KLHL1: variants seen among roughly 807,000 people sequenced by gnomAD.
The protein encoded by KLHL1 is kelch like family member 1.
In KLHL1, 47 loss-of-function variants were observed where a neutral mutation model predicts 77.7. The ratio of observed to expected loss-of-function variants is 0.60; its 90% CI spans 0.48 to 0.77. KLHL1 has a LOEUF of 0.77. Ranked by LOEUF, KLHL1 falls within the 30% of genes least tolerant of loss-of-function variation. KLHL1 has a pLI of 0.00. For missense variants in KLHL1, 925 were observed against 910.8 expected, an observed-to-expected ratio of 1.02 and a Z score of -0.20; for synonymous variants, 360 against 325.2, an observed-to-expected ratio of 1.11 and a Z score of -1.15.
intron 8 of KLHL1, among the ~76,000 whole-genome samples, chr13:69,729,574 G>T (rs1157881622): frequency 2.6e-5 from 4 of 152,100 alleles, no homozygotes; most frequent in Non-Finnish European, 5.9e-5. Context: ...GTAAGAGGGT[G>T]ATGTTAAAAC....
At chr13:70,035,010 G>A (rs1478961716) in intron 1 of KLHL1, among the ~76,000 whole-genome samples, 1 of 151,748 alleles carries the variant, frequency 6.6e-6, no homozygotes. Flanking sequence ...TAATATTTGT[G>A]GTACTTATAG....
At chr13:69,820,946 A>G (rs549961127) in intron 6 of KLHL1, among the ~76,000 whole-genome samples, 6 of 152,248 alleles carry the variant, frequency 3.9e-5, no homozygotes, top group Non-Finnish European at 8.8e-5. Flanking sequence ...AAAGGGCAAT[A>G]GTAAAAGTCG....
intron 4 of KLHL1, among the ~76,000 whole-genome samples, chr13:69,883,407 A>T (rs1418370786): frequency 6.6e-6 from 1 of 152,158 alleles, no homozygotes. Context: ...AATTTCTGTC[A>T]CATTTCAAGA....
In KLHL1 at chr13:69,961,563, A is replaced by T. The variant is rs577421566; in HGVS notation, c.681-119T>A. ...ATTGATCAATCAATTAATGCATTTT[A>T]TTTATTGCCTCATGAGTTGTACTTT... On this transcript the variant is annotated intron_variant, in intron 2 of 10. Transcript: ENST00000377844. 3.3e-4 allele frequency: 345 copies of T among 1,054,678 alleles called. 3 individuals carry two copies. In the African/African-American group the frequency reaches 4.8e-3, roughly 15 times the overall value. 65.3% of individuals were successfully genotyped at this position (1,054,678 alleles called of 1,614,324 possible). A position where few individuals can be genotyped will look rare whatever the true frequency, so the allele number is the denominator to read the frequency against.
At chr13:70,016,499 G>A (rs1223782023) in intron 1 of KLHL1, among the ~76,000 whole-genome samples, 1 of 152,234 alleles carries the variant, frequency 6.6e-6, no homozygotes, top group East Asian at 1.9e-4. Context: ...TGATTTTGGA[G>A]CAAAGTTGTG....
At chr13:70,027,119 GAGAAT>G (rs1433274399) in intron 1 of KLHL1, among the ~76,000 whole-genome samples, 3 of 152,030 alleles carry the variant, frequency 2.0e-5, no homozygotes, top group Non-Finnish European at 2.9e-5. Flanking sequence ...AATGGAGAAT[GAGAAT>G]AGAATGATTT....
At chr13:69,919,470 C>G (rs1174791071) in intron 4 of KLHL1, among the ~76,000 whole-genome samples, 1 of 152,068 alleles carries the variant, frequency 6.6e-6, no homozygotes, top group East Asian at 1.9e-4. Flanking sequence ...ATGTATGTTT[C>G]TTTTTGTTCA....
At chr13:70,062,381 G>A (rs1430353868) in intron 1 of KLHL1, among the ~76,000 whole-genome samples, 2 of 152,104 alleles carry the variant, frequency 1.3e-5, no homozygotes, top group African/African-American at 2.4e-5. Flanking sequence ...TGAATTGCAT[G>A]CAACCTATTA....
At chr13:70,072,072 A>G (rs1428727794) in intron 1 of KLHL1, among the ~76,000 whole-genome samples, 1 of 152,076 alleles carries the variant, frequency 6.6e-6, no homozygotes, top group Non-Finnish European at 1.5e-5. Flanking sequence ...ACCAAGATGA[A>G]ACAGAGAACG....
chr13:69,764,308 C>T (rs953209010), intron 7 of KLHL1, among the ~76,000 whole-genome samples: 10 of 152,200 alleles, frequency 6.6e-5, no homozygotes, highest in Admixed American at 5.2e-4. Context: ...CATCACTTTC[C>T]TTTTTCTGTA....
chr13:69,854,667 G>T (rs1879818097), intron 5 of KLHL1, among the ~76,000 whole-genome samples: 1 of 151,998 alleles, frequency 6.6e-6, no homozygotes. Context: ...AATTGTAAAT[G>T]CTGCTTATTA....
intron 1 of KLHL1, among the ~76,000 whole-genome samples, chr13:70,103,197 A>G (rs951430502): frequency 6.6e-6 from 1 of 152,154 alleles, no homozygotes; most frequent in Non-Finnish European, 1.5e-5. Flanking sequence ...GATAGTCTCT[A>G]TGCAAAGAAG....
intron 1 of KLHL1, among the ~76,000 whole-genome samples, chr13:70,063,082 C>T (rs1485068250): frequency 2.6e-5 from 4 of 152,108 alleles, no homozygotes; most frequent in African/African-American, 9.7e-5. Context: ...TTCATAATTG[C>T]AATTCAGATT....
intron 1 of KLHL1, among the ~76,000 whole-genome samples, chr13:69,976,676 T>C (rs889559123): frequency 2.0e-5 from 3 of 152,072 alleles, no homozygotes; most frequent in African/African-American, 4.8e-5. Flanking sequence ...TACTTCATGA[T>C]AAATATCTTA....
At chr13:69,710,818 G>A (rs936527870) in intron 9 of KLHL1, among the ~76,000 whole-genome samples, 1 of 151,760 alleles carries the variant, frequency 6.6e-6, no homozygotes, top group African/African-American at 2.4e-5. Flanking sequence ...TTGTTTGTTT[G>A]TTTTTTTAAT....
intron 1 of KLHL1, among the ~76,000 whole-genome samples, chr13:70,006,390 G>C (rs1018609869): frequency 6.6e-6 from 1 of 151,386 alleles, no homozygotes; most frequent in African/African-American, 2.4e-5. Flanking sequence ...GAGGATTTTT[G>C]TATCTTTATT....
chr13:69,757,262 C>T (rs1874791753), intron 7 of KLHL1, among the ~76,000 whole-genome samples: 1 of 152,030 alleles, frequency 6.6e-6, no homozygotes, highest in Non-Finnish European at 1.5e-5. Flanking sequence ...TGAACAAGAC[C>T]ACATATGGTC....
intron 7 of KLHL1, among the ~76,000 whole-genome samples, chr13:69,773,073 T>A (rs890088925): frequency 6.6e-6 from 1 of 152,012 alleles, no homozygotes; most frequent in Non-Finnish European, 1.5e-5. Flanking sequence ...GGAAAAAAAA[T>A]AAAACCCTAA....
intron 4 of KLHL1, among the ~76,000 whole-genome samples, chr13:69,934,466 T>C (rs150060862): frequency 0.01 from 1,562 of 152,186 alleles, 25 homozygotes; most frequent in African/African-American, 0.035. Flanking sequence ...ATAAACAAAT[T>C]ATGTGAGTGG....
Sources: allele counts gnomAD v4.1 joint callset (sites outside exome capture counted in the v4.1 genomes callset), GRCh38; gene constraint gnomAD v4.1.1; transcripts MANE v1.5; gene names NCBI Gene and HGNC (gene_info 2026-07-23, HGNC 2026-07-21).